ELK4: variants seen among roughly 807,000 people sequenced by gnomAD.
ELK4 encodes the protein ETS transcription factor ELK4.
A neutral mutation model predicts 29.6 loss-of-function variants in ELK4; 16 were observed. The observed-to-expected ratio is 0.54, with a 90% confidence interval of 0.37 to 0.82. The LOEUF (loss-of-function observed/expected upper bound fraction) is 0.82. Ranked by LOEUF, ELK4 falls within the 40% of genes least tolerant of loss-of-function variation. ELK4 has a pLI of 0.00. For synonymous variants in ELK4, 213 were observed against 191.1 expected (o/e 1.11, Z -0.95); for missense variants, 465 against 507.1 (o/e 0.92, Z 0.80).
chr1:205,614,528 CT>C lies in ELK4; in HGVS notation c.*2017del, dbSNP rs1279476605. 2 of 228,666 alleles carry C rather than the reference CT, an allele frequency of 8.7e-6. No individual in the cohort carries two copies. The highest frequency in any genetic ancestry group is 6.3e-5 in the East Asian group (1 of 15,924). The allele number at this position is 228,666 out of a possible 1,614,324, so 14.2% of individuals were successfully genotyped here. A position where few individuals can be genotyped will look rare whatever the true frequency, so the allele number is the denominator to read the frequency against. ...CACTATTAAACAATACCTTTCAACA[CT>C]ACTATTGCACATCTCAGGAACAGAA... is the stretch of plus-strand genomic sequence containing the variant. On this transcript the variant is annotated 3_prime_UTR_variant, in exon 5 of 5. Transcript: ENST00000357992.
rs529457355 is a variant in ELK4 at position 205,631,950 on chromosome 1, C to T, written c.-328G>A. On this transcript the variant is annotated 5_prime_UTR_variant, in exon 1 of 5. Transcript: ENST00000357992. ...CTTGCAGCGGCGGGGCCTGCCAGGCCCTCCGCGGCCGCCGCCACTCTCAAA... is the reference window on the plus strand; with the variant it reads ...CTTGCAGCGGCGGGGCCTGCCAGGCTCTCCGCGGCCGCCGCCACTCTCAAA... 10 of 150,722 alleles carry T rather than the reference C, an allele frequency of 6.6e-5. No homozygotes were observed. The highest frequency in any genetic ancestry group is 1.0e-4 in the Non-Finnish European group (7 of 67,106). 9.3% of individuals were successfully genotyped at this position (150,722 alleles called of 1,614,324 possible).
In ELK4 at chr1:205,620,324, G is replaced by C; in HGVS notation, c.722C>G (p.Ser241Cys). Reference sequence around the variant, plus strand: ...AAAAGCAGTCATTACGTTAGAGGCAGAGGTTGGGGCTTCCAGGGAAGGCAG... The same window carrying C: ...AAAAGCAGTCATTACGTTAGAGGCACAGGTTGGGGCTTCCAGGGAAGGCAG... ...PKLPSLEAPT[S>C]ASNVMTAFAT... The change falls in exon 3 of 5, where the codon TCT becomes TGT. Residue 241 changes from serine (S) to cysteine (C), a missense_variant. Physicochemically the swap from Ser to Cys is moderately radical, Grantham distance 112 (BLOSUM62 -1). Transcript: ENST00000357992. 1.9e-6 allele frequency: 3 copies of C among 1,614,238 alleles called. No individual in the cohort carries two copies. The highest frequency in any genetic ancestry group is 2.5e-6 in the Non-Finnish European group (3 of 1,180,038).
intron 3 of ELK4, 44 bp from the exon 4 acceptor site, chr1:205,619,117 G>A (rs770574710): frequency 1.4e-6 from 2 of 1,445,352 alleles, no homozygotes; most frequent in South Asian, 2.8e-5. Context: ...GACTTACCAG[G>A]ATGTTTTATC....
chr1:205,616,766 C>A, intron 4 of ELK4, 122 bp from the exon 5 acceptor site: 1 of 693,074 alleles, frequency 1.4e-6, no homozygotes, highest in Non-Finnish European at 2.3e-6. Context: ...AGGACAAAGG[C>A]AGTGGCTGTT....
In ELK4 at chr1:205,609,806, A is replaced by G; in HGVS notation, c.*6740T>C. The G allele has an allele frequency of 4.6e-6, 1 of 217,350 alleles. No individual in the cohort carries two copies. Among genetic ancestry groups the G allele is most frequent in the Non-Finnish European group, 9.3e-6 (1 of 108,012 alleles). 13.5% of individuals were successfully genotyped at this position (217,350 alleles called of 1,614,324 possible). On this transcript the variant is annotated 3_prime_UTR_variant, in exon 5 of 5. Transcript: ENST00000357992. ...ATCGTAAATTTCTACAAAGCACAAT[A>G]TTAAAAGCTTGCAAATTATTTTAAA...
At chr1:205,617,650 C>T (rs1297635062) in intron 4 of ELK4, among the ~76,000 whole-genome samples, 1 of 151,752 alleles carries the variant, frequency 6.6e-6, no homozygotes, top group Non-Finnish European at 1.5e-5. Flanking sequence ...GCCTGTAATC[C>T]CAGCACTTCG....
At chr1:205,630,985 T>C (rs139580747) in intron 1 of ELK4, among the ~76,000 whole-genome samples, 5 of 152,362 alleles carry the variant, frequency 3.3e-5, no homozygotes, top group African/African-American at 9.6e-5. Context: ...AAGTGAAGTG[T>C]GTACTTTTGA....
rs1187456387 is a variant in ELK4 at position 205,610,813 on chromosome 1, T to G, written c.*5733A>C. On this transcript the variant is annotated 3_prime_UTR_variant, in exon 5 of 5. Coordinates refer to ENST00000357992, the MANE Select transcript of ELK4 (RefSeq NM_001973.4). ...CACACACATTCAGTCAATACATCAG[T>G]ATATATGCATACACATACATTTACT... 14 of 231,566 alleles carry G rather than the reference T, an allele frequency of 6.0e-5. No homozygotes were observed. The highest frequency in any genetic ancestry group is 1.2e-4 in the Non-Finnish European group (14 of 117,166). 14.3% of individuals were successfully genotyped at this position (231,566 alleles called of 1,614,324 possible).
At chr1:205,631,340 A>G (rs2102389165) in intron 1 of ELK4, among the ~76,000 whole-genome samples, 1 of 152,292 alleles carries the variant, frequency 6.6e-6, no homozygotes, top group South Asian at 2.1e-4. Flanking sequence ...ACAGAAAATG[A>G]GAATTGCTCC....
intron 1 of ELK4, chr1:205,626,048 T>C: frequency 3.6e-6 from 5 of 1,379,280 alleles, no homozygotes; most frequent in African/African-American, 1.4e-5. Context: ...TTGTCAACAA[T>C]GTCATTCTGC....
intron 1 of ELK4, among the ~76,000 whole-genome samples, chr1:205,630,703 C>A (rs1429559353): frequency 6.6e-6 from 1 of 152,184 alleles, no homozygotes; most frequent in Non-Finnish European, 1.5e-5. Context: ...ACAGATTCCA[C>A]TTACGCAGTT....
intron 1 of ELK4, chr1:205,626,127 A>G (rs1006045775): frequency 1.0e-4 from 75 of 746,476 alleles, no homozygotes; most frequent in Non-Finnish European, 1.5e-4. Flanking sequence ...CGTTGCCTAC[A>G]GTGACCAAAG....
chr1:205,631,242 G>A (rs1353798759), intron 1 of ELK4, among the ~76,000 whole-genome samples: 1 of 152,194 alleles, frequency 6.6e-6, no homozygotes, highest in African/African-American at 2.4e-5. Flanking sequence ...CCCTACAGGA[G>A]ATCAAAGTCT....
intron 1 of ELK4, 82 bp downstream of exon 1, chr1:205,631,550 C>G (rs1456055027): frequency 6.4e-6 from 1 of 156,610 alleles, no homozygotes; most frequent in Non-Finnish European, 1.4e-5. Context: ...GTGCCGCGCG[C>G]CCCTCGGCCC....
At position 205,614,372 on chromosome 1, in the gene ELK4, C is replaced by T. The variant is rs1476142882; in HGVS notation, c.*2174G>A. 2 of 225,946 alleles carry T rather than the reference C, an allele frequency of 8.9e-6. No individual in the cohort carries two copies. The highest frequency in any genetic ancestry group is 1.8e-5 in the Non-Finnish European group (2 of 113,708). 14.0% of individuals were successfully genotyped at this position (225,946 alleles called of 1,614,324 possible). ...TAGTTAAATCAACCATCTATATCTA[C>T]TTATTTAATGTACAAAATGTTAACC... On this transcript the variant is annotated 3_prime_UTR_variant, in exon 5 of 5. Transcript: ENST00000357992.
In ELK4 at chr1:205,612,411, T is replaced by C. The variant is rs543383853; in HGVS notation, c.*4135A>G. Reference sequence around the variant, plus strand: ...TACTCAAGAATTACTTTTTATGCCATCCTTCACTTCAATTTTTGTGTATTT... The same window carrying C: ...TACTCAAGAATTACTTTTTATGCCACCCTTCACTTCAATTTTTGTGTATTT... On this transcript the variant is annotated 3_prime_UTR_variant, in exon 5 of 5. Coordinates refer to ENST00000357992, the MANE Select transcript of ELK4 (RefSeq NM_001973.4). The C allele has an allele frequency of 4.6e-6, 1 of 218,352 alleles. No individual in the cohort carries two copies. The highest frequency in any genetic ancestry group is 9.2e-6 in the Non-Finnish European group (1 of 108,698). 13.5% of individuals were successfully genotyped at this position (218,352 alleles called of 1,614,324 possible).
At position 205,620,785 on chromosome 1, in the gene ELK4, A is replaced by AT; in HGVS notation, c.260dup (p.Tyr87Ter). The change falls in exon 3 of 5, where the codon TAT (tyrosine) becomes TAAT (stop). Residue 87 changes from tyrosine to a stop codon, truncating the protein, a stop_gained and frameshift_variant. Coordinates refer to ENST00000357992, the MANE Select transcript of ELK4 (RefSeq NM_001973.4). LOFTEE classifies it high-confidence loss of function. ...TTGGATCCATGTTCAAAATCTCTGG[A>AT]TAAGAGACAAACTTGTACACAAACT... Reference protein sequence around the residue: ...GQKFVYKFVSYPEILNMDPMT... With the variant: ...GQKFVYKFVS 1 of 1,613,864 alleles carries AT rather than the reference A, an allele frequency of 6.2e-7. No homozygotes were observed. The highest frequency in any genetic ancestry group is 8.5e-7 in the Non-Finnish European group (1 of 1,180,014).
At position 205,609,703 on chromosome 1, in the gene ELK4, A is replaced by G. The variant is rs1055489761; in HGVS notation, c.*6843T>C. ...ACACAATAGACAATAAGCAACAATGACCAAACAGAAAAGAAACTTAAAATT... is the reference window on the plus strand; with the variant it reads ...ACACAATAGACAATAAGCAACAATGGCCAAACAGAAAAGAAACTTAAAATT... On this transcript the variant is annotated 3_prime_UTR_variant, in exon 5 of 5. Coordinates refer to ENST00000357992, the MANE Select transcript of ELK4 (RefSeq NM_001973.4). 2.9e-5 allele frequency: 6 copies of G among 207,690 alleles called. No homozygotes were observed. Among genetic ancestry groups the G allele is most frequent in the South Asian group, 1.9e-4 (1 of 5,300 alleles). 12.9% of individuals were successfully genotyped at this position (207,690 alleles called of 1,614,324 possible). A position where few individuals can be genotyped will look rare whatever the true frequency, so the allele number is the denominator to read the frequency against.
At chr1:205,622,331 G>A (rs1670367869) in intron 2 of ELK4, among the ~76,000 whole-genome samples, 1 of 152,166 alleles carries the variant, frequency 6.6e-6, no homozygotes, top group Non-Finnish European at 1.5e-5. Flanking sequence ...TGTGTTCCCT[G>A]GGTTAAACTA....
Sources: allele counts gnomAD v4.1 joint callset (sites outside exome capture counted in the v4.1 genomes callset), GRCh38; gene constraint gnomAD v4.1.1; transcripts MANE v1.5; gene names NCBI Gene and HGNC (gene_info 2026-07-23, HGNC 2026-07-21).